The following STAB1 variants were observed in gnomAD, a reference collection of about 807,000 sequenced individuals.
STAB1 encodes the protein stabilin-1.
STAB1 carries 250 observed loss-of-function variants against 332.4 expected under a neutral mutation model. The observed-to-expected ratio is 0.75, with a 90% confidence interval of 0.68 to 0.84. The LOEUF is 0.84. STAB1 is among the 40% of genes least tolerant of loss of function. The probability of loss-of-function intolerance (pLI) is 0.00; values close to 1 mark genes in which losing one functional copy is unlikely to be tolerated. For missense variants in STAB1, 3,249 were observed against 3,489.7 expected, an observed-to-expected ratio of 0.93 and a Z score of 1.74; for synonymous variants, 1,475 against 1,390.4, an observed-to-expected ratio of 1.06 and a Z score of -1.35.
chr3:52,523,368 A>G (rs746855795), intron 64 of STAB1, 27 bp downstream of exon 64: 1 of 1,609,134 alleles, frequency 6.2e-7, no homozygotes, highest in African/African-American at 1.3e-5. Context: ...TGGGCAGAGC[A>G]GAGCCTGCAT....
In STAB1 at chr3:52,516,602, C is replaced by G. The variant is rs775176789; in HGVS notation, c.4286+15C>G. On this transcript the variant is annotated intron_variant, in intron 40 of 68. Coordinates refer to ENST00000321725, the MANE Select transcript of STAB1 (RefSeq NM_015136.3). ...CCCAATGCCAAGTGAGTGGGCCCAG[C>G]CTGGGGCGGGTGGGTGAGTGGCGGG... 1 of 1,612,814 alleles carries G rather than the reference C, an allele frequency of 6.2e-7. No homozygotes were observed. Among genetic ancestry groups the G allele is most frequent in the Non-Finnish European group, 8.5e-7 (1 of 1,179,994 alleles).
intron 3 of STAB1, 72 bp downstream of exon 3, chr3:52,501,825 G>A: frequency 6.9e-7 from 1 of 1,445,852 alleles, no homozygotes; most frequent in Non-Finnish European, 9.5e-7. Context: ...CTCTGCAGGA[G>A]CCACCTGCAT....
rs139338725 is a variant in STAB1 at position 52,502,200 on chromosome 3, C to T, written c.459C>T (p.Pro153=). Residue 153 remains proline (P), a synonymous_variant, in exon 5 of 69, where the codon CCC becomes CCT. Coordinates refer to ENST00000321725, the MANE Select transcript of STAB1 (RefSeq NM_015136.3). Reference sequence around the variant, plus strand: ...CAGCCTGCCAGGAGTGCCAAGACCCCAACCGGTTCGGGCCTGACTGCCAAT... The same window carrying T: ...CAGCCTGCCAGGAGTGCCAAGACCCTAACCGGTTCGGGCCTGACTGCCAAT... ...RGSACQECQD[P]NRFGPDCQSV... 803 of 1,613,114 alleles carry T rather than the reference C, an allele frequency of 5.0e-4. 3 individuals are homozygous for T. In the Middle Eastern group the frequency reaches 6.6e-3, roughly 13 times the overall value.
intron 10 of STAB1, 150 bp from the exon 11 acceptor site, chr3:52,504,311 C>A: frequency 7.3e-7 from 1 of 1,370,760 alleles, no homozygotes; most frequent in Non-Finnish European, 1.0e-6. Context: ...GTGGGAGCTG[C>A]TCTCCAACCT....
intron 34 of STAB1, 21 bp downstream of exon 34, chr3:52,514,517 G>A: frequency 6.6e-7 from 1 of 1,523,950 alleles, no homozygotes; most frequent in Non-Finnish European, 8.8e-7. Context: ...CAGGGAGCAA[G>A]GAGACCCTAG....
chr3:52,518,922 C>A (rs1418447779), intron 48 of STAB1, 53 bp downstream of exon 48: 9 of 1,448,758 alleles, frequency 6.2e-6, no homozygotes, highest in South Asian at 4.1e-5. Context: ...CCCGCCCCTG[C>A]GCGCCATTGC....
At position 52,505,750 on chromosome 3, in the gene STAB1, G is replaced by T. The variant is rs766340078; in HGVS notation, c.1664G>T (p.Arg555Leu). ...APSNEAVDSLRDGRLIYLFTA... is the reference protein window; with the variant it reads ...APSNEAVDSLLDGRLIYLFTA... ...AGCAATGAGGCTGTGGACAGCTTGC[G>T]TGACGGCCGCCTGATCTACCTCTTC... The change falls in exon 15 of 69, where the codon CGT (arginine) becomes CTT (leucine). Residue 555 changes from arginine (R) to leucine (L), a missense_variant. Arg to Leu is a moderately radical substitution (Grantham distance 102). Transcript: ENST00000321725. 2 of 1,613,874 alleles carry T rather than the reference G, an allele frequency of 1.2e-6. No individual in the cohort carries two copies. The highest frequency in any genetic ancestry group is 2.2e-5 in the East Asian group (1 of 44,888).
At chr3:52,500,121 C>T (rs2153232802) in intron 1 of STAB1, among the ~76,000 whole-genome samples, 1 of 152,248 alleles carries the variant, frequency 6.6e-6, no homozygotes, top group South Asian at 2.1e-4. Flanking sequence ...TGGACTCTGC[C>T]TCACCCAGGT....
chr3:52,503,672 C>T (rs1708621362), intron 8 of STAB1, 100 bp from the exon 9 acceptor site: 1 of 1,572,484 alleles, frequency 6.4e-7, no homozygotes. Context: ...GATAAGGGTC[C>T]TCTTCAGGGA....
rs769443453 is a variant in STAB1 at position 52,517,964 on chromosome 3, C to T, written c.4722C>T (p.Thr1574=). The T allele has an allele frequency of 1.1e-5, 18 of 1,607,414 alleles. No individual in the cohort carries two copies. Among genetic ancestry groups the T allele is most frequent in the African/African-American group, 5.4e-5 (4 of 74,586 alleles). Residue 1574 remains threonine, a synonymous_variant, in exon 45 of 69, where the codon ACC becomes ACT. Transcript: ENST00000321725. ...CATGTACCTGCGACACAGCCCACAC[C>T]GTGGGGGACGGCCTCACCTGCCGTG... The part of the protein sequence containing the change: ...QRTCTCDTAH[T]VGDGLTCRAR...
intron 1 of STAB1, among the ~76,000 whole-genome samples, chr3:52,498,629 C>T (rs1000035091): frequency 6.6e-6 from 1 of 152,252 alleles, no homozygotes. Flanking sequence ...TCTCAGAGTG[C>T]GACCAGCACA....
chr3:52,510,491 A>C lies in STAB1; in HGVS notation c.2771A>C (p.Tyr924Ser). Residue 924 changes from tyrosine to serine, a missense_variant, in exon 25 of 69, where the codon TAT (tyrosine) becomes TCT (serine). Physicochemically the swap from Tyr to Ser is moderately radical, Grantham distance 144 (BLOSUM62 -2). Coordinates refer to ENST00000321725, the MANE Select transcript of STAB1 (RefSeq NM_015136.3). ...GGCHTDALCSYVGPGQSRCTC... is the reference protein window; with the variant it reads ...GGCHTDALCSSVGPGQSRCTC... ...TGCCACACCGATGCCCTCTGCAGCTATGTGGGCCCCGGGCAGGTGAGGTGC... is the reference window on the plus strand; with the variant it reads ...TGCCACACCGATGCCCTCTGCAGCTCTGTGGGCCCCGGGCAGGTGAGGTGC... The C allele has an allele frequency of 6.2e-7, 1 of 1,613,360 alleles. No homozygotes were observed. The highest frequency in any genetic ancestry group is 1.7e-5 in the Admixed American group (1 of 60,010).
Position 52,504,519 on chromosome 3 carries a change from C to G in STAB1, c.1209C>G (p.Ser403=), listed in dbSNP as rs775765766. The part of the protein sequence containing the change: ...TAGPFTVLVP[S]VSSFSSRTMN... ...GCCCTTTCACCGTGCTGGTGCCATC[C>G]GTCTCCTCCTTCTCCTCCAGGACCA... is the stretch of plus-strand genomic sequence containing the variant. The change falls in exon 11 of 69, where the codon TCC becomes TCG. Residue 403 remains serine (S), a synonymous_variant. Coordinates refer to ENST00000321725, the MANE Select transcript of STAB1 (RefSeq NM_015136.3). 5 of 1,613,986 alleles carry G rather than the reference C, an allele frequency of 3.1e-6. No individual in the cohort carries two copies. The highest frequency in any genetic ancestry group is 2.5e-6 in the Non-Finnish European group (3 of 1,180,036).
At chr3:52,502,122 C>T (rs763047511) in intron 4 of STAB1, 31 bp downstream of exon 4, 1 of 1,613,580 alleles carries the variant, frequency 6.2e-7, no homozygotes, top group Non-Finnish European at 8.5e-7. Flanking sequence ...GGTGGAGGCT[C>T]AGAGGGGCCA....
intron 50 of STAB1, 51 bp downstream of exon 50, chr3:52,519,615 TG>T (rs767800509): frequency 6.2e-7 from 1 of 1,606,066 alleles, no homozygotes; most frequent in South Asian, 1.1e-5. Flanking sequence ...CACGTGTAAG[TG>T]TGTGCAAGTG....
Position 52,504,044 on chromosome 3 carries a change from A to C in STAB1, c.1039A>C (p.Ser347Arg), listed in dbSNP as rs1382164367. The change falls in exon 10 of 69, where the codon AGC (serine) becomes CGC (arginine). Residue 347 changes from serine to arginine, a missense_variant. Transcript: ENST00000321725. Reference sequence around the variant, plus strand: ...GGAGCCCAGCTGTGTGTGCAGGGAAAGCGAGGTGGGGGATGGGCGTGCCTG... The same window carrying C: ...GGAGCCCAGCTGTGTGTGCAGGGAACGCGAGGTGGGGGATGGGCGTGCCTG... The part of the protein sequence containing the change: ...DGKTSCVCRE[S>R]EVGDGRACYG... The C allele has an allele frequency of 1.9e-6, 3 of 1,597,966 alleles. No homozygotes were observed. Among genetic ancestry groups the C allele is most frequent in the Non-Finnish European group, 2.6e-6 (3 of 1,172,516 alleles).
intron 1 of STAB1, among the ~76,000 whole-genome samples, chr3:52,499,042 T>C (rs1708245357): frequency 2.0e-5 from 3 of 152,268 alleles, no homozygotes; most frequent in Admixed American, 2.0e-4. Flanking sequence ...TCCTTTTCTC[T>C]TGCTTTGAGA....
chr3:52,518,226 C>G, intron 45 of STAB1, 86 bp from the exon 46 acceptor site: 1 of 1,591,316 alleles, frequency 6.3e-7, no homozygotes, highest in Non-Finnish European at 8.6e-7. Context: ...TCTGCCTTGG[C>G]TAGACCTTGG....
intron 1 of STAB1, among the ~76,000 whole-genome samples, chr3:52,498,717 G>T (rs60997031): frequency 6.6e-6 from 1 of 152,164 alleles, no homozygotes; most frequent in Non-Finnish European, 1.5e-5. Context: ...AATGGTGACC[G>T]CGCTGGCAGC....
Sources: allele counts gnomAD v4.1 joint callset (sites outside exome capture counted in the v4.1 genomes callset), GRCh38; gene constraint gnomAD v4.1.1; transcripts MANE v1.5; gene names NCBI Gene and HGNC (gene_info 2026-07-23, HGNC 2026-07-21).